The following SCFD2 variants were observed in gnomAD, a reference collection of about 807,000 sequenced individuals.
The protein encoded by SCFD2 is sec1 family domain containing 2.
A neutral mutation model predicts 58.9 loss-of-function variants in SCFD2; 54 were observed. The ratio of observed to expected loss-of-function variants is 0.92; its 90% confidence interval spans 0.74 to 1.15. The LOEUF (loss-of-function observed/expected upper bound fraction) is 1.15. SCFD2 is among the 50% of genes most tolerant of loss of function. The pLI, the probability that SCFD2 is intolerant of heterozygous loss-of-function variation, is 0.00. For synonymous variants in SCFD2, 321 were observed against 335.9 expected (o/e 0.96, Z 0.49); for missense variants, 805 against 836.6 (o/e 0.96, Z 0.47).
At chr4:53,270,273 T>TA (rs1731120259) in intron 4 of SCFD2, among the ~76,000 whole-genome samples, 2 of 152,000 alleles carry the variant, frequency 1.3e-5, no homozygotes, top group African/African-American at 4.8e-5. Context: ...CTCATCATTT[T>TA]AAAAAATAAT....
At chr4:53,035,692 A>G (rs1397433646) in intron 5 of SCFD2, among the ~76,000 whole-genome samples, 1 of 152,260 alleles carries the variant, frequency 6.6e-6, no homozygotes, top group Non-Finnish European at 1.5e-5. Flanking sequence ...TCTCAAAAGA[A>G]GACATTTATG....
At chr4:53,229,295 A>C (rs1449326073) in intron 4 of SCFD2, among the ~76,000 whole-genome samples, 1 of 152,200 alleles carries the variant, frequency 6.6e-6, no homozygotes, top group Non-Finnish European at 1.5e-5. Context: ...GGAACCAAAA[A>C]AGAGCCCACA....
At chr4:53,094,108 AC>A (rs1285418215) in intron 5 of SCFD2, among the ~76,000 whole-genome samples, 21 of 151,974 alleles carry the variant, frequency 1.4e-4, no homozygotes, top group African/African-American at 5.1e-4. Flanking sequence ...AAGTCACATA[AC>A]CTTTTGAGCC....
chr4:53,242,337 G>C (rs1279115384), intron 4 of SCFD2, among the ~76,000 whole-genome samples: 1 of 152,160 alleles, frequency 6.6e-6, no homozygotes, highest in Non-Finnish European at 1.5e-5. Flanking sequence ...GTCACCCGAA[G>C]TTAGAACACA....
intron 5 of SCFD2, among the ~76,000 whole-genome samples, chr4:53,139,871 T>C (rs1374884710): frequency 1.3e-5 from 2 of 152,226 alleles, no homozygotes; most frequent in African/African-American, 4.8e-5. Flanking sequence ...AGAAAAATTC[T>C]TCTGCCTTGG....
chr4:52,910,251 C>T (rs1214424238), intron 6 of SCFD2, among the ~76,000 whole-genome samples: 1 of 152,194 alleles, frequency 6.6e-6, no homozygotes, highest in East Asian at 1.9e-4. Flanking sequence ...ATGCTTTTCT[C>T]TTTTCCTCTT....
chr4:53,244,288 C>T (rs1338773953), intron 4 of SCFD2, among the ~76,000 whole-genome samples: 1 of 152,232 alleles, frequency 6.6e-6, no homozygotes, highest in East Asian at 1.9e-4. Context: ...GATATACATT[C>T]TACTCATCAC....
intron 5 of SCFD2, among the ~76,000 whole-genome samples, chr4:53,016,673 G>C (rs1370055580): frequency 6.6e-6 from 1 of 152,120 alleles, no homozygotes. Context: ...TTAGAAGACA[G>C]GTGAAAGAAA....
intron 7 of SCFD2, among the ~76,000 whole-genome samples, chr4:52,899,752 C>T (rs1719132966): frequency 6.6e-6 from 1 of 152,210 alleles, no homozygotes; most frequent in African/African-American, 2.4e-5. Context: ...TGTTTTCCAA[C>T]TTGGTTCCAT....
chr4:53,321,402 T>C (rs1428034148), intron 2 of SCFD2, among the ~76,000 whole-genome samples: 1 of 152,036 alleles, frequency 6.6e-6, no homozygotes, highest in Non-Finnish European at 1.5e-5. Flanking sequence ...ATGGTGATAC[T>C]TCAATCAAGT....
Position 53,263,723 on chromosome 4 carries a change from G to A in SCFD2, c.1311+10103C>T, listed in dbSNP as rs73147399. The stretch of plus-strand genomic sequence containing the variant: ...GTTTAGCGCACTGTTTTCTTTTGTC[G>A]GTTGGCCTCCAGCCAGGAGGTGGCG... On this transcript the variant is annotated intron_variant, in intron 4 of 8. Coordinates refer to ENST00000401642, the MANE Select transcript of SCFD2 (RefSeq NM_152540.4). Among the ~76,000 whole-genome samples the A allele has an allele frequency of 8.8e-3, 1,343 of 152,282 alleles. 18 individuals are homozygous for A. The highest frequency in any genetic ancestry group is 0.03 in the African/African-American group (1,258 of 41,550).
At chr4:52,974,253 T>A (rs1456057407) in intron 5 of SCFD2, among the ~76,000 whole-genome samples, 2 of 152,174 alleles carry the variant, frequency 1.3e-5, no homozygotes, top group African/African-American at 2.4e-5. Context: ...GATGACATGA[T>A]TGTATATCTA....
At chr4:53,180,954 G>A (rs1727530897) in intron 4 of SCFD2, among the ~76,000 whole-genome samples, 3 of 152,128 alleles carry the variant, frequency 2.0e-5, no homozygotes, top group Admixed American at 2.0e-4. Flanking sequence ...ACTAAACCAG[G>A]AAGAAGTTGA....
At chr4:53,250,734 C>A (rs1471839423) in intron 4 of SCFD2, among the ~76,000 whole-genome samples, 1 of 152,214 alleles carries the variant, frequency 6.6e-6, no homozygotes, top group Non-Finnish European at 1.5e-5. Context: ...CTCTGGGACA[C>A]ATTCAAAGCA....
intron 5 of SCFD2, among the ~76,000 whole-genome samples, chr4:52,923,259 T>C (rs912397581): frequency 3.9e-5 from 6 of 152,016 alleles, no homozygotes; most frequent in Non-Finnish European, 5.9e-5. Context: ...GGTGGATCAC[T>C]TGAGGTCAGG....
At chr4:53,319,968 T>C (rs1298124510) in intron 2 of SCFD2, among the ~76,000 whole-genome samples, 1 of 152,264 alleles carries the variant, frequency 6.6e-6, no homozygotes, top group African/African-American at 2.4e-5. Flanking sequence ...GCTGCTTCTG[T>C]AACTTGGTTA....
chr4:52,962,665 T>C (rs1186541600), intron 5 of SCFD2, among the ~76,000 whole-genome samples: 2 of 149,894 alleles, frequency 1.3e-5, no homozygotes, highest in Admixed American at 6.7e-5. Flanking sequence ...ATGATGAAAA[T>C]AGTTTAGAGG....
At chr4:53,295,738 GT>G (rs1276693146) in intron 3 of SCFD2, among the ~76,000 whole-genome samples, 2 of 151,968 alleles carry the variant, frequency 1.3e-5, no homozygotes, top group Non-Finnish European at 2.9e-5. Flanking sequence ...AATGCTTCCA[GT>G]TTTTGCCCAT....
chr4:53,242,014 G>A (rs1398419105), intron 4 of SCFD2, among the ~76,000 whole-genome samples: 2 of 152,236 alleles, frequency 1.3e-5, no homozygotes, highest in Non-Finnish European at 2.9e-5. Flanking sequence ...CACAATTGCT[G>A]GACAGGGGCT....
Sources: allele counts gnomAD v4.1 joint callset (sites outside exome capture counted in the v4.1 genomes callset), GRCh38; gene constraint gnomAD v4.1.1; transcripts MANE v1.5; gene names NCBI Gene and HGNC (gene_info 2026-07-23, HGNC 2026-07-21).